SGSH: variants seen among roughly 807,000 people sequenced by gnomAD.
SGSH encodes the protein heparan sulfate sulfatase.
In SGSH, 48 loss-of-function variants were observed where a neutral mutation model predicts 51.0. The ratio of observed to expected loss-of-function variants is 0.94; its 90% CI spans 0.75 to 1.20. SGSH has a LOEUF of 1.20. SGSH is among the 50% of genes most tolerant of loss of function. The pLI, the probability that SGSH is intolerant of heterozygous loss-of-function variation, is 0.00. For missense variants in SGSH, 662 were observed against 717.8 expected, an observed-to-expected ratio of 0.92 and a Z score of 0.89; for synonymous variants, 321 against 313.4, an observed-to-expected ratio of 1.02 and a Z score of -0.26.
chr17:80,205,324 C>T (rs1226612974), downstream of SGSH: 3 of 1,172,638 alleles, frequency 2.6e-6, no homozygotes, highest in East Asian at 2.5e-5. Flanking sequence ...CGCACATTCC[C>T]ACACTCACCT....
chr17:80,217,385 G>A (rs540400927), intron 1 of SGSH, among the ~76,000 whole-genome samples, 193 bp from the exon 2 acceptor site: 5 of 152,306 alleles, frequency 3.3e-5, no homozygotes, highest in Admixed American at 2.0e-4. Flanking sequence ...CATGACACCC[G>A]AGTGGGTACA....
downstream of SGSH, chr17:80,203,911 C>T (rs1314307274): frequency 1.3e-5 from 20 of 1,566,328 alleles, no homozygotes; most frequent in Non-Finnish European, 1.4e-5. This position sits in a 1 kb window ranked among gnomAD's most constrained non-coding sequence, Gnocchi z 4.6. Flanking sequence ...GGGGCCTGGA[C>T]CCCACTGGGG....
rs104894638 is a variant in SGSH, at chr17:80,214,672, C to T, written c.449G>A (p.Arg150Gln). ...EENGSVLQVGRNITRIKLLVR... is the reference protein window; with the variant it reads ...EENGSVLQVGQNITRIKLLVR... ...GAGCAGCTTAATTCTAGTGATGTTC[C>T]GCCCCACCTGGAGGACGGAGCCATT... is the stretch of plus-strand genomic sequence containing the variant. The change falls in exon 4 of 8, where the codon CGG (arginine) becomes CAG (glutamine). Residue 150 changes from arginine to glutamine, a missense_variant. By Grantham distance (43) the Arg-to-Gln change is conservative (BLOSUM62 1). Coordinates refer to ENST00000326317, the MANE Select transcript of SGSH (RefSeq NM_000199.5). 3.2e-5 allele frequency: 52 copies of T among 1,613,318 alleles called. No individual in the cohort carries two copies. The highest frequency in any genetic ancestry group is 4.2e-5 in the Non-Finnish European group (50 of 1,179,998).
downstream of SGSH, chr17:80,206,061 T>G (rs999184157): frequency 6.0e-6 from 1 of 166,890 alleles, no homozygotes; most frequent in Admixed American, 5.7e-5. Flanking sequence ...CTGGCGGAGC[T>G]CCATGCCAAG....
intron 7 of SGSH, 167 bp downstream of exon 7, chr17:80,211,904 C>T (rs1207773606): frequency 1.5e-6 from 1 of 675,076 alleles, no homozygotes; most frequent in Non-Finnish European, 2.7e-6. Flanking sequence ...CTTCACCTCT[C>T]TGAGCCTCAT....
rs372712517 is a variant in SGSH at position 80,210,074 on chromosome 17, C to T, written c.*378G>A. 1.6e-4 allele frequency: 184 copies of T among 1,130,504 alleles called. 3 individuals are homozygous for T. The African/African-American group carries it at 2.6e-3, about 16-fold the overall frequency. The allele number at this position is 1,130,504 out of a possible 1,614,324, so 70.0% of individuals were successfully genotyped here. On this transcript the variant is annotated 3_prime_UTR_variant, in exon 8 of 8. Coordinates refer to ENST00000326317, the MANE Select transcript of SGSH (RefSeq NM_000199.5). The stretch of plus-strand genomic sequence containing the variant: ...CCAAAGCCTGAAGAGGGCCTCAGGC[C>T]TCCCATTTGCAGGTCCCCAAACCAA...
At position 80,212,376 on chromosome 17, in the gene SGSH, C is replaced by G. The variant is rs2041704947; in HGVS notation, c.746-102G>C. The G allele has an allele frequency of 4.8e-6, 5 of 1,045,618 alleles. No individual in the cohort carries two copies. The highest frequency in any genetic ancestry group is 7.2e-6 in the Non-Finnish European group (5 of 693,148). The allele number at this position is 1,045,618 out of a possible 1,614,324, so 64.8% of individuals were successfully genotyped here. A position where few individuals can be genotyped will look rare whatever the true frequency, so the allele number is the denominator to read the frequency against. Reference sequence around the variant, plus strand: ...TGCTGCTGCATCCGGCCGCTGGGCTCCAGCGCTTTCCGGATTCGAAAGCAC... The same window carrying G: ...TGCTGCTGCATCCGGCCGCTGGGCTGCAGCGCTTTCCGGATTCGAAAGCAC... On this transcript the variant is annotated intron_variant, in intron 6 of 7. Transcript: ENST00000326317. The surrounding 1 kb of genome is among the most constrained non-coding windows in gnomAD (Gnocchi z 5.9).
Position 80,213,716 on chromosome 17 carries a change from C to T in SGSH, c.745+88G>A. On this transcript the variant is annotated intron_variant, in intron 6 of 7. Coordinates refer to ENST00000326317, the MANE Select transcript of SGSH (RefSeq NM_000199.5). This position sits in a 1 kb window ranked among gnomAD's most constrained non-coding sequence, Gnocchi z 4.6. ...CCTGCCACACTGGGACCCTCACCCA[C>T]ATTATGCCGTGACCTAAGAGGGCGC... 1 of 1,162,160 alleles carries T rather than the reference C, an allele frequency of 8.6e-7. No individual in the cohort carries two copies. The highest frequency in any genetic ancestry group is 1.3e-5 in the South Asian group (1 of 76,598). The allele number at this position is 1,162,160 out of a possible 1,614,324, so 72.0% of individuals were successfully genotyped here. A position where few individuals can be genotyped will look rare whatever the true frequency, so the allele number is the denominator to read the frequency against.
chr17:80,214,406 T>C, intron 4 of SGSH, 78 bp from the exon 5 acceptor site: 1 of 1,503,776 alleles, frequency 6.6e-7, no homozygotes, highest in South Asian at 1.2e-5. Context: ...CTCTGCCTCC[T>C]CCTCTGTATC....
chr17:80,205,473 A>G (rs2041246976), downstream of SGSH: 1 of 1,554,514 alleles, frequency 6.4e-7, no homozygotes, highest in African/African-American at 1.4e-5. Context: ...TTACCATGGG[A>G]CTCCCCCAGA....
At chr17:80,215,414 G>A (rs529226914) in intron 2 of SGSH, among the ~76,000 whole-genome samples, 4 of 152,358 alleles carry the variant, frequency 2.6e-5, no homozygotes, top group African/African-American at 4.8e-5. Flanking sequence ...TTGCGTATCC[G>A]TACTTTTGAA....
intron 1 of SGSH, among the ~76,000 whole-genome samples, chr17:80,218,771 G>A (rs113373065): frequency 2.0e-5 from 3 of 152,170 alleles, no homozygotes; most frequent in South Asian, 2.1e-4. Flanking sequence ...AAGCCCTAAC[G>A]TCAACATCAC....
At chr17:80,202,180 G>C (rs1238031435), downstream of SGSH, 2 of 1,613,002 alleles carry the variant, frequency 1.2e-6, no homozygotes, top group East Asian at 4.5e-5. Flanking sequence ...CTTTTATCAG[G>C]TTATAAGAGG....
chr17:80,215,535 T>C (rs12450437), intron 2 of SGSH, among the ~76,000 whole-genome samples: 51,175 of 152,238 alleles, frequency 0.34, 8,947 homozygotes, highest in Admixed American at 0.47. Context: ...AAACTCAGAC[T>C]GCCGGCCGGG....
At chr17:80,203,726 C>T (rs1322594071), downstream of SGSH, 7 of 863,384 alleles carry the variant, frequency 8.1e-6, no homozygotes, top group Non-Finnish European at 1.3e-5. This position sits in a 1 kb window ranked among gnomAD's most constrained non-coding sequence, Gnocchi z 4.6. Context: ...TTCTCTCCCA[C>T]CCGGCCATCT....
chr17:80,207,852 G>C (rs1437014525), downstream of SGSH, among the ~76,000 whole-genome samples: 1 of 151,136 alleles, frequency 6.6e-6, no homozygotes, highest in Non-Finnish European at 1.5e-5. Context: ...TCTAATCCTT[G>C]TCGGCTAAGG....
At chr17:80,204,439 A>C (rs1042360530), downstream of SGSH, 13 of 1,188,128 alleles carry the variant, frequency 1.1e-5, no homozygotes, top group African/African-American at 1.4e-4. Context: ...GGGGGATGCC[A>C]CTCATTTAGG....
At position 80,217,165 on chromosome 17, in the gene SGSH, G is replaced by A. The variant is rs372283734; in HGVS notation, c.116C>T (p.Ala39Val). The change falls in exon 2 of 8, where the codon GCG (alanine) becomes GTG (valine). Residue 39 changes from alanine to valine, a missense_variant. Physicochemically the swap from Ala to Val is moderately conservative, Grantham distance 64 (BLOSUM62 0). Transcript: ENST00000326317. ...GGTGGCGATGGCGCTGTTGTTGTAC[G>A]CGCCACTCTCAAAGCCTCCGTCATC... is the stretch of plus-strand genomic sequence containing the variant. ...LADDGGFESG[A>V]YNNSAIATPH... 1.2e-5 allele frequency: 20 copies of A among 1,601,820 alleles called. No homozygotes were observed. Among genetic ancestry groups the A allele is most frequent in the East Asian group, 2.2e-5 (1 of 44,532 alleles).
downstream of SGSH, chr17:80,208,272 T>C (rs1481520202): frequency 6.3e-7 from 1 of 1,596,540 alleles, no homozygotes; most frequent in Non-Finnish European, 8.5e-7. Context: ...CTGGACGGCC[T>C]GCTCAGCTGT....
Sources: gnomAD v4.1 joint callset for allele counts (sites outside exome capture counted in the v4.1 genomes callset) on GRCh38, gnomAD v4.1.1 for gene constraint, Gnocchi (gnomAD v3.1) non-coding constraint, MANE v1.5 for transcripts, NCBI Gene and HGNC (gene_info 2026-07-23, HGNC 2026-07-21) for gene names.